The following MYOCD variants were observed in gnomAD, a reference collection of about 807,000 sequenced individuals.
MYOCD encodes myocardin.
MYOCD carries 32 observed loss-of-function variants against 96.1 expected under a neutral mutation model. The ratio of observed to expected loss-of-function variants is 0.33; its 90% CI spans 0.25 to 0.45. The LOEUF is 0.45. Among genes scored for constraint, MYOCD ranks in the 20% least tolerant of loss-of-function variants. The probability of loss-of-function intolerance (pLI) is 1.00; values close to 1 mark genes in which losing one functional copy is unlikely to be tolerated. For missense variants in MYOCD, 1,133 were observed against 1,200.6 expected, an observed-to-expected ratio of 0.94 and a Z score of 0.83; for synonymous variants, 469 against 469.0, an observed-to-expected ratio of 1.00 and a Z score of 0.00.
At chr17:12,697,362 T>A (rs1174526303) in intron 1 of MYOCD, among the ~76,000 whole-genome samples, 3,870 of 44,556 alleles carry the variant, frequency 0.087, 26 homozygotes, top group South Asian at 0.13. Flanking sequence ...TATATATATT[T>A]TTTTTTTTTT....
chr17:12,703,002 A>G (rs1457558055), intron 1 of MYOCD, among the ~76,000 whole-genome samples: 2 of 152,000 alleles, frequency 1.3e-5, no homozygotes, highest in African/African-American at 4.8e-5. Context: ...ATCTTCTGGT[A>G]TCATTTCCCT....
chr17:12,705,584 G>A (rs764266617), intron 2 of MYOCD: 1 of 159,724 alleles, frequency 6.3e-6, no homozygotes, highest in Non-Finnish European at 1.4e-5. Context: ...GAGTCCACAA[G>A]TCATTGAATA....
intron 9 of MYOCD, among the ~76,000 whole-genome samples, chr17:12,747,035 ATT>A (rs5819385): frequency 0.02 from 2,978 of 148,544 alleles, 80 homozygotes; most frequent in African/African-American, 0.057. Context: ...GCCCCTACCA[ATT>A]TTTTTTTTTT....
chr17:12,736,165 C>T lies in MYOCD; in HGVS notation c.420C>T (p.Asn140=), dbSNP rs934992520. ...TCCTGGATTTCACCCCCTCAGGTAA[C>T]CAGGTGAGTTTCTCCAAATCCACGG... is the stretch of plus-strand genomic sequence containing the variant. ...DSAVKEAIKG[N]QVSFSKSTDA... Residue 140 remains asparagine, a synonymous_variant, in exon 6 of 14, where the codon AAC becomes AAT. Transcript: ENST00000425538. 2.7e-5 allele frequency: 43 copies of T among 1,613,764 alleles called. No individual in the cohort carries two copies. The highest frequency in any genetic ancestry group is 3.6e-5 in the Non-Finnish European group (43 of 1,179,852).
chr17:12,758,377 G>A, intron 12 of MYOCD, 164 bp downstream of exon 12: 1 of 1,072,046 alleles, frequency 9.3e-7, no homozygotes, highest in Non-Finnish European at 1.3e-6. Context: ...GGAAAACAGT[G>A]TTGCATGTGT....
Position 12,665,975 on chromosome 17 carries a change from G to A in MYOCD, c.-214G>A. The A allele has an allele frequency of 1.9e-6, 1 of 539,140 alleles. No individual in the cohort carries two copies. Among genetic ancestry groups the A allele is most frequent in the Non-Finnish European group, 3.3e-6 (1 of 302,946 alleles). The allele number at this position is 539,140 out of a possible 1,614,324, so 33.4% of individuals were successfully genotyped here. On this transcript the variant is annotated 5_prime_UTR_variant, in exon 1 of 14. Coordinates refer to ENST00000425538, the MANE Select transcript of MYOCD (RefSeq NM_001146312.3). This position sits in a 1 kb window ranked among gnomAD's most constrained non-coding sequence, Gnocchi z 4.2. ...AACCTCCGAGGAGGAGGAGGGTCCC[G>A]CCGGCTAAGAGTTAATTAGCCCCGC...
At chr17:12,721,095 C>T (rs1204869239) in intron 4 of MYOCD, among the ~76,000 whole-genome samples, 2 of 140,336 alleles carry the variant, frequency 1.4e-5, no homozygotes, top group Non-Finnish European at 3.1e-5. Flanking sequence ...TTTTTGCACA[C>T]TTTTTTTTTT....
rs1047011316 is a variant in MYOCD, at chr17:12,750,714, C to T, written c.1126-1700C>T. Among the ~76,000 whole-genome samples, 5 of 149,906 alleles carry T rather than the reference C, an allele frequency of 3.3e-5. No homozygotes were observed. The Admixed American group carries it at 3.4e-4, about 10-fold the overall frequency. ...AAAAAAAAACTAATTTAATTTTTGC[C>T]GCTACTTAACTAACACAAAGTCTTC... On this transcript the variant is annotated intron_variant, in intron 9 of 13. Coordinates refer to ENST00000425538, the MANE Select transcript of MYOCD (RefSeq NM_001146312.3).
intron 7 of MYOCD, 96 bp from the exon 8 acceptor site, chr17:12,744,086 TG>T: frequency 7.1e-7 from 1 of 1,398,718 alleles, no homozygotes; most frequent in Non-Finnish European, 9.8e-7. Context: ...GATCCAAGAA[TG>T]GCCATCAGAC....
chr17:12,761,105 A>C lies in MYOCD; in HGVS notation c.2389+398A>C, dbSNP rs138421187. On this transcript the variant is annotated intron_variant, in intron 13 of 13. Transcript: ENST00000425538. The stretch of plus-strand genomic sequence containing the variant: ...TACCTACTCAAAGTGAAATTCAATT[A>C]GCAACCTTCCACTGGATGGTTCATT... 1,595 of 169,034 alleles carry C rather than the reference A, an allele frequency of 9.4e-3. 82 individuals are homozygous for C. The highest frequency in any genetic ancestry group is 0.076 in the Admixed American group (1,322 of 17,342). 10.5% of individuals were successfully genotyped at this position (169,034 alleles called of 1,614,324 possible).
intron 1 of MYOCD, among the ~76,000 whole-genome samples, chr17:12,688,549 T>TCCTTTTTTCCTTCCATCTCCTCCCTTCCA: frequency 9.7e-6 from 1 of 103,446 alleles, no homozygotes; most frequent in Admixed American, 1.0e-4. Flanking sequence ...TCCTTCCATC[T>TCCTTTTTTCCTTCCATCTCCTCCCTTCCA]TCTTCCTTCC....
intron 2 of MYOCD, among the ~76,000 whole-genome samples, chr17:12,709,148 C>G (rs994171977): frequency 6.6e-6 from 1 of 152,160 alleles, no homozygotes; most frequent in African/African-American, 2.4e-5. Context: ...AGGCTCCTCC[C>G]CCATTGACTC....
At chr17:12,676,532 A>C (rs1480027127) in intron 1 of MYOCD, among the ~76,000 whole-genome samples, 1 of 150,220 alleles carries the variant, frequency 6.7e-6, no homozygotes, top group Non-Finnish European at 1.5e-5. Context: ...TATCTCCTAT[A>C]CTGAGTATTA....
chr17:12,756,114 G>A (rs2150723771), intron 10 of MYOCD, among the ~76,000 whole-genome samples: 1 of 152,160 alleles, frequency 6.6e-6, no homozygotes, highest in East Asian at 1.9e-4. Flanking sequence ...GAGGTCCATG[G>A]CGGGAATAGT....
rs1037839289 is a variant in MYOCD at position 12,676,240 on chromosome 17, C to T, written c.55+9997C>T. 3.1e-4 allele frequency among the ~76,000 whole-genome samples: 28 copies of T among 90,072 alleles called. No homozygotes were observed. In the South Asian group the frequency reaches 3.3e-3, roughly 11 times the overall value. The allele number at this position is 90,072 out of a possible 152,430, so 59.1% of individuals were successfully genotyped here. A position where few individuals can be genotyped will look rare whatever the true frequency, so the allele number is the denominator to read the frequency against. On this transcript the variant is annotated intron_variant, in intron 1 of 13. Transcript: ENST00000425538. ...AGACTTAGCACCCTCCCCCTGCGCGCGCACGCACACACACACACACACACA... is the reference window on the plus strand; with the variant it reads ...AGACTTAGCACCCTCCCCCTGCGCGTGCACGCACACACACACACACACACA...
At chr17:12,697,359 A>ATTTT (rs71144918) in intron 1 of MYOCD, among the ~76,000 whole-genome samples, 20 of 75,744 alleles carry the variant, frequency 2.6e-4, no homozygotes, top group Admixed American at 3.8e-4. Flanking sequence ...ATATATATAT[A>ATTTT]TTTTTTTTTT....
At chr17:12,707,955 A>ATG (rs138143185) in intron 2 of MYOCD, among the ~76,000 whole-genome samples, 27,642 of 151,686 alleles carry the variant, frequency 0.18, 3,190 homozygotes, top group Middle Eastern at 0.26. Context: ...CACTATATAT[A>ATG]TGTGTGTGTG....
At chr17:12,667,161 T>G (rs1253034042) in intron 1 of MYOCD, among the ~76,000 whole-genome samples, 3 of 152,208 alleles carry the variant, frequency 2.0e-5, no homozygotes, top group Non-Finnish European at 2.9e-5. Flanking sequence ...CTGGCATAGG[T>G]TGCTAAGCTA....
At chr17:12,760,548 G>T in intron 12 of MYOCD, 102 bp from the exon 13 acceptor site, 2 of 945,906 alleles carry the variant, frequency 2.1e-6, no homozygotes, top group South Asian at 1.4e-5. Context: ...AAAATACCTT[G>T]ACCAAACCTA....
Sources: gnomAD v4.1 joint callset for allele counts (sites outside exome capture counted in the v4.1 genomes callset) on GRCh38, gnomAD v4.1.1 for gene constraint, Gnocchi (gnomAD v3.1) non-coding constraint, MANE v1.5 for transcripts, NCBI Gene and HGNC (gene_info 2026-07-23, HGNC 2026-07-21) for gene names.